Variants in SRGAP2C observed in about 807,000 individuals in gnomAD.
SRGAP2C encodes the protein SLIT-ROBO Rho GTPase activating protein 2C.
Under a neutral mutation model 25.1 loss-of-function variants are expected in SRGAP2C, and 15 were observed. The observed-to-expected ratio is 0.60, with a 90% CI of 0.40 to 0.92. The LOEUF (loss-of-function observed/expected upper bound fraction) is 0.92, where lower values mean the gene tolerates loss of function less well. Among genes scored for constraint, SRGAP2C ranks in the 40% least tolerant of loss-of-function variants. The pLI is 0.00. For missense variants in SRGAP2C, 144 were observed against 264.4 expected (o/e 0.54, Z 3.16); for synonymous variants, 44 against 96.6 (o/e 0.46, Z 3.19).
chr1:121,201,686 G>A (rs1260843689), intron 2 of SRGAP2C, among the ~76,000 whole-genome samples: 3 of 152,242 alleles, frequency 2.0e-5, no homozygotes, highest in African/African-American at 7.2e-5. Flanking sequence ...ACTTGGGAGG[G>A]ATACTTGTGT....
At chr1:121,195,325 G>A (rs1488166495) in intron 2 of SRGAP2C, among the ~76,000 whole-genome samples, 18 of 151,382 alleles carry the variant, frequency 1.2e-4, no homozygotes, top group African/African-American at 2.4e-4. Flanking sequence ...GAGGAGAATC[G>A]CTTGAATCCA....
intron 5 of SRGAP2C, among the ~76,000 whole-genome samples, chr1:121,367,183 C>G (rs1659349414): frequency 1.3e-5 from 2 of 151,908 alleles, no homozygotes; most frequent in South Asian, 4.2e-4. Flanking sequence ...ATAAGGTGAG[C>G]TGGAATACAC....
intron 8 of SRGAP2C, among the ~76,000 whole-genome samples, chr1:121,384,752 C>T (rs1382321210): frequency 6.6e-6 from 1 of 150,610 alleles, no homozygotes; most frequent in Non-Finnish European, 1.5e-5. Context: ...CCTGTCAGAG[C>T]CTTATTTCCA....
At position 121,359,678 on chromosome 1, in the gene SRGAP2C, G is replaced by A. The variant is rs1659143047; in HGVS notation, c.424-5615G>A. Among the ~76,000 whole-genome samples, 3 of 152,330 alleles carry A rather than the reference G, an allele frequency of 2.0e-5. 1 individual carries two copies. The highest frequency in any genetic ancestry group is 6.8e-3 in the Middle Eastern group (2 of 294). Reference sequence around the variant, plus strand: ...AGCTACATGGGAAGCTGAGGGAAGAGGATCACGTGACAGTTGAGCCCAAGA... The same window carrying A: ...AGCTACATGGGAAGCTGAGGGAAGAAGATCACGTGACAGTTGAGCCCAAGA... On this transcript the variant is annotated intron_variant, in intron 4 of 9. Coordinates refer to ENST00000367123, the MANE Select transcript of SRGAP2C (RefSeq NM_001329984.2).
intron 2 of SRGAP2C, among the ~76,000 whole-genome samples, chr1:121,219,198 G>A (rs1387418526): frequency 1.0e-4 from 15 of 146,110 alleles, no homozygotes; most frequent in Admixed American, 2.0e-4. Context: ...CTGGCTGGTG[G>A]GAGTAGATGT....
At chr1:121,368,381 G>C (rs1380968298) in intron 5 of SRGAP2C, among the ~76,000 whole-genome samples, 1 of 143,898 alleles carries the variant, frequency 6.9e-6, no homozygotes, top group Non-Finnish European at 1.5e-5. Flanking sequence ...CTCCAGCCTG[G>C]GGGACAGAGC....
At position 121,255,417 on chromosome 1, in the gene SRGAP2C, G is replaced by C. The variant is rs1345747792; in HGVS notation, c.68-29386G>C. Among the ~76,000 whole-genome samples, 10 of 151,680 alleles carry C rather than the reference G, an allele frequency of 6.6e-5. 1 individual carries two copies. The highest frequency in any genetic ancestry group is 1.2e-4 in the Non-Finnish European group (8 of 67,826). On this transcript the variant is annotated intron_variant, in intron 2 of 9. Transcript: ENST00000367123. ...ACCAGGAGCTTTGCAGACTTCCCTT[G>C]TTCCCAATTTCTTGGATTTTTTTTT...
At chr1:121,304,067 C>G (rs1452163692) in intron 3 of SRGAP2C, among the ~76,000 whole-genome samples, 1 of 151,688 alleles carries the variant, frequency 6.6e-6, no homozygotes, top group African/African-American at 2.4e-5. Flanking sequence ...AAAAATTAGC[C>G]GGGCATGGTG....
chr1:121,249,568 ATATATATATATATTTTTT>A (rs1198975963), intron 2 of SRGAP2C, among the ~76,000 whole-genome samples: 12 of 36,904 alleles, frequency 3.3e-4, no homozygotes, highest in African/African-American at 1.2e-3. Flanking sequence ...ATATATATAT[ATATATATATATATTTTTT>A]TTTTTTTTTT....
intron 5 of SRGAP2C, among the ~76,000 whole-genome samples, chr1:121,366,835 C>T (rs1490035025): frequency 6.6e-6 from 1 of 150,724 alleles, no homozygotes; most frequent in African/African-American, 2.4e-5. Context: ...AACCAACAAA[C>T]CTTGCCACTT....
At chr1:121,354,357 C>T (rs1390856909) in intron 4 of SRGAP2C, among the ~76,000 whole-genome samples, 4 of 65,036 alleles carry the variant, frequency 6.2e-5, no homozygotes, top group African/African-American at 2.9e-4. Flanking sequence ...TTCTCTCTCT[C>T]TCTGCCCCCC....
Position 121,212,123 on chromosome 1 carries a change from ATTT to A in SRGAP2C, c.67+24633_67+24635del, listed in dbSNP as rs60785126. Among the ~76,000 whole-genome samples the A allele has an allele frequency of 1.2e-3, 74 of 61,968 alleles. 1 individual carries two copies. The highest frequency in any genetic ancestry group is 4.4e-3 in the African/African-American group (53 of 12,090). The allele number at this position is 61,968 out of a possible 152,430, so 40.7% of individuals were successfully genotyped here. A position where few individuals can be genotyped will look rare whatever the true frequency, so the allele number is the denominator to read the frequency against. The stretch of plus-strand genomic sequence containing the variant: ...GAAGTCCCTGCTTTCATGGAGCTGT[ATTT>A]TTTTTTTTTTTTTTTTTTTTTTGAG... On this transcript the variant is annotated intron_variant, in intron 2 of 9. Transcript: ENST00000367123.
intron 4 of SRGAP2C, among the ~76,000 whole-genome samples, chr1:121,355,601 GC>G (rs1281794587): frequency 2.9e-5 from 4 of 138,216 alleles, no homozygotes; most frequent in African/African-American, 1.1e-4. Context: ...GAGCCACCGC[GC>G]CCGGCCAGAT....
chr1:121,385,001 C>T (rs1286046802), intron 8 of SRGAP2C, among the ~76,000 whole-genome samples: 2 of 152,046 alleles, frequency 1.3e-5, no homozygotes, highest in South Asian at 2.1e-4. Flanking sequence ...GTGAAGGTTC[C>T]GCATTCTAGC....
At chr1:121,323,304 A>G (rs1553341315) in intron 3 of SRGAP2C, among the ~76,000 whole-genome samples, 70 of 151,746 alleles carry the variant, frequency 4.6e-4, no homozygotes, top group Admixed American at 3.7e-3. Context: ...CTTTTGGATC[A>G]CAATGTTTTC....
At chr1:121,249,580 A>ATTTTTTT (rs1159053572) in intron 2 of SRGAP2C, among the ~76,000 whole-genome samples, 5 of 22,362 alleles carry the variant, frequency 2.2e-4, no homozygotes, top group Non-Finnish European at 2.2e-4. Context: ...ATATATATAT[A>ATTTTTTT]TTTTTTTTTT....
chr1:121,362,741 C>T (rs1468170085), intron 4 of SRGAP2C: 4 of 148,110 alleles, frequency 2.7e-5, no homozygotes, highest in African/African-American at 7.5e-5. Context: ...AGTCATGTTG[C>T]CTCACTTCAC....
At chr1:121,207,355 G>A (rs1655139281) in intron 2 of SRGAP2C, among the ~76,000 whole-genome samples, 1 of 151,524 alleles carries the variant, frequency 6.6e-6, no homozygotes, top group Non-Finnish European at 1.5e-5. Flanking sequence ...TCCGAGTTTG[G>A]TTGGAGGCCC....
At position 121,366,277 on chromosome 1, in the gene SRGAP2C, T is replaced by A. The variant is rs1162561060; in HGVS notation, c.486+922T>A. Among the ~76,000 whole-genome samples, 4 of 148,828 alleles carry A rather than the reference T, an allele frequency of 2.7e-5. No individual in the cohort carries two copies. The East Asian group carries it at 5.9e-4, about 22-fold the overall frequency. On this transcript the variant is annotated intron_variant, in intron 5 of 9. Coordinates refer to ENST00000367123, the MANE Select transcript of SRGAP2C (RefSeq NM_001329984.2). Reference sequence around the variant, plus strand: ...CTTATTTGCTGCGTTTTTTCTTTTCTTTTCTTCCTTTGTTTTTTTTTTTAA... The same window carrying A: ...CTTATTTGCTGCGTTTTTTCTTTTCATTTCTTCCTTTGTTTTTTTTTTTAA...
Sources: allele counts gnomAD v4.1 joint callset (sites outside exome capture counted in the v4.1 genomes callset), GRCh38; gene constraint gnomAD v4.1.1; transcripts MANE v1.5; gene names NCBI Gene and HGNC (gene_info 2026-07-23, HGNC 2026-07-21).